Variants in ADAMTSL1 observed in about 807,000 individuals in gnomAD.
ADAMTSL1 encodes ADAMTS-like protein 1.
In ADAMTSL1, 126 loss-of-function variants were observed where a neutral mutation model predicts 201.8. The ratio of observed to expected loss-of-function variants is 0.62; its 90% CI spans 0.54 to 0.72. The LOEUF is 0.72. Among genes scored for constraint, ADAMTSL1 ranks in the 30% least tolerant of loss-of-function variants. The pLI is 0.00. For missense variants in ADAMTSL1, 2,679 were observed against 2,277.8 expected (o/e 1.18, Z -3.59); for synonymous variants, 1,121 against 903.4 (o/e 1.24, Z -4.32).
At chr9:18,406,315 T>TTTTCTTTCC (rs1390883549) in intron 2 of ADAMTSL1, among the ~76,000 whole-genome samples, 26 of 147,426 alleles carry the variant, frequency 1.8e-4, no homozygotes, top group Non-Finnish European at 3.7e-4. Context: ...TTTTCTTTTC[T>TTTTCTTTCC]TTTCTTTTCT....
chr9:18,170,619 A>C (rs1303756615), intron 2 of ADAMTSL1, among the ~76,000 whole-genome samples: 3 of 152,116 alleles, frequency 2.0e-5, no homozygotes, highest in Non-Finnish European at 4.4e-5. Context: ...TCAGAAAGGC[A>C]AAACAGATTT....
chr9:18,249,812 G>T (rs1013428255), intron 2 of ADAMTSL1, among the ~76,000 whole-genome samples: 3 of 152,106 alleles, frequency 2.0e-5, no homozygotes, highest in Admixed American at 6.5e-5. Context: ...TTTTTTGGAA[G>T]GGAGAGTTCA....
intron 2 of ADAMTSL1, among the ~76,000 whole-genome samples, chr9:18,396,627 T>C (rs1043435554): frequency 2.7e-5 from 4 of 150,736 alleles, no homozygotes; most frequent in African/African-American, 9.7e-5. Context: ...ATTTTTATGT[T>C]AATAATGTCC....
At chr9:18,455,459 T>C (rs984521118) in intron 2 of ADAMTSL1, among the ~76,000 whole-genome samples, 2 of 152,200 alleles carry the variant, frequency 1.3e-5, no homozygotes, top group African/African-American at 4.8e-5. Flanking sequence ...TATTTCTGTA[T>C]ATATTCATAA....
In ADAMTSL1 at chr9:18,504,924, C is replaced by T. The variant is rs747112161; in HGVS notation, c.159C>T (p.Ala53=). 24 of 1,611,294 alleles carry T rather than the reference C, an allele frequency of 1.5e-5. No individual in the cohort carries two copies. The Admixed American group carries it at 1.7e-4, about 11-fold the overall frequency. The change falls in exon 2 of 29, where the codon GCC becomes GCT. Residue 53 remains alanine (A), a synonymous_variant. Transcript: ENST00000380548. Reference sequence around the variant, plus strand: ...GCTCACGCACCTGCGGGGGTGGGGCCTCCTACTCTCTGAGGCGCTGCCTGA... The same window carrying T: ...GCTCACGCACCTGCGGGGGTGGGGCTTCCTACTCTCTGAGGCGCTGCCTGA... The part of the protein sequence containing the change: ...SECSRTCGGG[A]SYSLRRCLSS...
intron 2 of ADAMTSL1, among the ~76,000 whole-genome samples, chr9:18,184,227 T>C (rs1828629884): frequency 6.6e-6 from 1 of 152,184 alleles, no homozygotes; most frequent in Non-Finnish European, 1.5e-5. Flanking sequence ...TGTAAAATTG[T>C]TATGCACACT....
chr9:18,196,816 G>T (rs1011129611), intron 2 of ADAMTSL1, among the ~76,000 whole-genome samples: 1 of 151,984 alleles, frequency 6.6e-6, no homozygotes, highest in Non-Finnish European at 1.5e-5. Flanking sequence ...TGCCCAAGCT[G>T]TTCCCTCAGC....
Position 18,904,679 on chromosome 9 carries a change from T to G in ADAMTSL1, c.4852-1103T>G, listed in dbSNP as rs1303493098. The stretch of plus-strand genomic sequence containing the variant: ...AAAAAAAAAAAAAAAAAAAGGTCCG[T>G]TTATGTGTATTTTACGATTTAAAAA... On this transcript the variant is annotated intron_variant, in intron 26 of 28. Coordinates refer to ENST00000380548, the MANE Select transcript of ADAMTSL1 (RefSeq NM_001040272.6). 1.1e-4 allele frequency among the ~76,000 whole-genome samples: 15 copies of G among 133,546 alleles called. 5 individuals are homozygous for G. Among genetic ancestry groups the G allele is most frequent in the Non-Finnish European group, 1.6e-4 (10 of 62,876 alleles). 87.6% of individuals were successfully genotyped at this position (133,546 alleles called of 152,430 possible).
chr9:18,476,980 T>C (rs1821486207), intron 1 of ADAMTSL1, among the ~76,000 whole-genome samples: 1 of 152,214 alleles, frequency 6.6e-6, no homozygotes, highest in East Asian at 1.9e-4. Flanking sequence ...TTACCACCCA[T>C]ATTTTCATGC....
chr9:18,244,754 C>A (rs1173772897), intron 2 of ADAMTSL1, among the ~76,000 whole-genome samples: 2 of 152,002 alleles, frequency 1.3e-5, no homozygotes, highest in East Asian at 3.9e-4. Context: ...ACTAGGTCAC[C>A]CAAGTGTCTT....
chr9:18,219,649 T>C (rs2132352331), intron 2 of ADAMTSL1, among the ~76,000 whole-genome samples: 1 of 152,300 alleles, frequency 6.6e-6, no homozygotes, highest in South Asian at 2.1e-4. Flanking sequence ...TGAGCCACTG[T>C]GCCCAGCCTA....
chr9:18,844,844 T>G (rs2082576), intron 23 of ADAMTSL1, among the ~76,000 whole-genome samples: 135,937 of 152,224 alleles, frequency 0.89, 60,945 homozygotes, highest in African/African-American at 0.96. Context: ...CTCCGAGCCA[T>G]GTGCGGGATA....
At chr9:18,517,473 T>A (rs2132008690) in intron 2 of ADAMTSL1, among the ~76,000 whole-genome samples, 1 of 152,212 alleles carries the variant, frequency 6.6e-6, no homozygotes, top group Non-Finnish European at 1.5e-5. Flanking sequence ...ATTGTGCAGG[T>A]TAGTTACGTA....
At chr9:18,599,996 C>CA (rs57914274) in intron 4 of ADAMTSL1, among the ~76,000 whole-genome samples, 3,066 of 86,944 alleles carry the variant, frequency 0.035, 39 homozygotes, top group African/African-American at 0.056. Context: ...ACTAAAAATA[C>CA]AAAAAAAAAA....
chr9:17,992,949 G>C (rs1387839039), intron 1 of ADAMTSL1, among the ~76,000 whole-genome samples: 2 of 152,226 alleles, frequency 1.3e-5, no homozygotes, highest in East Asian at 3.9e-4. Context: ...ATGGAAAATT[G>C]CAAATGTGAA....
At chr9:17,980,536 A>G (rs1203249864) in intron 1 of ADAMTSL1, among the ~76,000 whole-genome samples, 1 of 152,000 alleles carries the variant, frequency 6.6e-6, no homozygotes, top group African/African-American at 2.4e-5. Context: ...ATCTGTATGA[A>G]CTGAATGTTT....
At chr9:18,677,188 T>C (rs1830178113) in intron 10 of ADAMTSL1, among the ~76,000 whole-genome samples, 1 of 151,916 alleles carries the variant, frequency 6.6e-6, no homozygotes, top group Non-Finnish European at 1.5e-5. Context: ...ATACTAGATA[T>C]ACTTCTTGTT....
rs112174460 is a variant in ADAMTSL1, at chr9:18,661,540, A to G, written c.947-395A>G. Among the ~76,000 whole-genome samples, 918 of 152,314 alleles carry G rather than the reference A, an allele frequency of 6.0e-3. 7 individuals carry two copies. The highest frequency in any genetic ancestry group is 9.8e-3 in the Non-Finnish European group (665 of 68,020). ...GGGAGTTTATTCTCCCTAGTGCCCC[A>G]GGTACTAAGGAGGCAATTTAGCATT... On this transcript the variant is annotated intron_variant, in intron 8 of 28. Transcript: ENST00000380548.
chr9:17,907,233 G>A (rs1825752804), intron 1 of ADAMTSL1, among the ~76,000 whole-genome samples: 1 of 152,158 alleles, frequency 6.6e-6, no homozygotes, highest in Non-Finnish European at 1.5e-5. Flanking sequence ...GAGCTGGGGA[G>A]CTGTCATCCC....
Sources: allele counts gnomAD v4.1 joint callset (sites outside exome capture counted in the v4.1 genomes callset), GRCh38; gene constraint gnomAD v4.1.1; transcripts MANE v1.5; gene names NCBI Gene and HGNC (gene_info 2026-07-23, HGNC 2026-07-21).